The following ARFGAP3 variants were observed in gnomAD, a reference collection of about 807,000 sequenced individuals.
ARFGAP3 encodes the protein ADP-ribosylation factor GTPase-activating protein 3.
ARFGAP3 carries 72 observed loss-of-function variants against 75.0 expected under a neutral mutation model. The observed-to-expected ratio is 0.96, with a 90% CI of 0.79 to 1.17. ARFGAP3 has a LOEUF of 1.17. ARFGAP3 is among the 50% of genes most tolerant of loss of function. The pLI is 0.00. For missense variants in ARFGAP3, 620 were observed against 626.6 expected, an observed-to-expected ratio of 0.99 and a Z score of 0.11; for synonymous variants, 221 against 217.9, an observed-to-expected ratio of 1.01 and a Z score of -0.13.
At chr22:42,850,959 G>T (rs931272579) in intron 1 of ARFGAP3, among the ~76,000 whole-genome samples, 1 of 152,238 alleles carries the variant, frequency 6.6e-6, no homozygotes, top group South Asian at 2.1e-4. Context: ...GAAGACAGAC[G>T]CGCAAATTCA....
chr22:42,839,828 G>A (rs1221060418), intron 3 of ARFGAP3, among the ~76,000 whole-genome samples: 1 of 151,946 alleles, frequency 6.6e-6, no homozygotes, highest in Admixed American at 6.5e-5. Flanking sequence ...ATTACTCTCT[G>A]ACTGCCCCTG....
In ARFGAP3 at chr22:42,807,116, T is replaced by C. The variant is rs761274232; in HGVS notation, c.1368A>G (p.Ile456Met). Residue 456 changes from isoleucine to methionine, a missense_variant, in exon 14 of 16, where the codon ATA becomes ATG. Transcript: ENST00000263245. The stretch of plus-strand genomic sequence containing the variant: ...GCTCCTCGAACAGATCAGCCGAGCT[T>C]ATGGAGGAACTTGCCGACAGCCTCT... ...RLERLSASSS[I>M]SSADLFEEPR... 1 of 1,612,970 alleles carries C rather than the reference T, an allele frequency of 6.2e-7. No individual in the cohort carries two copies. The highest frequency in any genetic ancestry group is 2.2e-5 in the East Asian group (1 of 44,872).
chr22:42,807,585 G>A (rs145519701), intron 13 of ARFGAP3, among the ~76,000 whole-genome samples: 55 of 152,266 alleles, frequency 3.6e-4, no homozygotes, highest in African/African-American at 1.3e-3. Flanking sequence ...GAACAGCAAG[G>A]GGCAATTCTA....
chr22:42,851,306 C>G (rs1927267636), intron 1 of ARFGAP3, among the ~76,000 whole-genome samples: 1 of 152,144 alleles, frequency 6.6e-6, no homozygotes, highest in African/African-American at 2.4e-5. Context: ...GGTACACAGC[C>G]CAGAGCAGGC....
At chr22:42,845,271 T>TGTACTTTAA (rs1270959630) in intron 2 of ARFGAP3, among the ~76,000 whole-genome samples, 1,530 of 152,210 alleles carry the variant, frequency 0.01, 11 homozygotes, top group Admixed American at 0.018. Context: ...GCCGGGGTAA[T>TGTACTTTAA]CCCAGCACTT....
rs756249551 is a variant in ARFGAP3 at position 42,831,599 on chromosome 22, G to A, written c.515C>T (p.Pro172Leu). The change falls in exon 6 of 16, where the codon CCA becomes CTA. Residue 172 changes from proline to leucine, a missense_variant. Physicochemically the swap from Pro to Leu is moderately conservative, Grantham distance 98 (BLOSUM62 -3). Transcript: ENST00000263245. Reference protein sequence around the residue: ...DTAWASAIAEPSSLTSRPVET... With the variant: ...DTAWASAIAELSSLTSRPVET... Reference sequence around the variant, plus strand: ...CACAGGCCTTGATGTTAAAGAAGATGGTTCTGCTATTGCTGATGCCCACGC... The same window carrying A: ...CACAGGCCTTGATGTTAAAGAAGATAGTTCTGCTATTGCTGATGCCCACGC... 2 of 1,613,588 alleles carry A rather than the reference G, an allele frequency of 1.2e-6. No individual in the cohort carries two copies. Among genetic ancestry groups the A allele is most frequent in the Non-Finnish European group, 1.7e-6 (2 of 1,179,858 alleles).
At chr22:42,826,754 A>C (rs1926055872) in intron 7 of ARFGAP3, among the ~76,000 whole-genome samples, 186 bp downstream of exon 7, 1 of 152,170 alleles carries the variant, frequency 6.6e-6, no homozygotes, top group African/African-American at 2.4e-5. Context: ...CTTTGTTGGA[A>C]GCTTGAGAGA....
intron 8 of ARFGAP3, 77 bp from the exon 9 acceptor site, chr22:42,822,486 T>C (rs571647730): frequency 1.3e-6 from 2 of 1,545,558 alleles, no homozygotes; most frequent in African/African-American, 2.8e-5. Flanking sequence ...TTCCTAAGGG[T>C]TAGGACCTGC....
intron 3 of ARFGAP3, among the ~76,000 whole-genome samples, chr22:42,840,260 A>G (rs977244887): frequency 6.6e-6 from 1 of 151,862 alleles, no homozygotes; most frequent in Non-Finnish European, 1.5e-5. Context: ...GTCTGTCACT[A>G]TATCCCCAGC....
intron 2 of ARFGAP3, among the ~76,000 whole-genome samples, chr22:42,841,327 T>C (rs1926771236): frequency 6.6e-6 from 1 of 152,218 alleles, no homozygotes; most frequent in Admixed American, 6.5e-5. Context: ...TTTGGTAATG[T>C]GTCTCTACTT....
intron 11 of ARFGAP3, among the ~76,000 whole-genome samples, chr22:42,815,410 TAC>T (rs945880123): frequency 1.9e-3 from 279 of 149,584 alleles, no homozygotes; most frequent in African/African-American, 6.3e-3. Flanking sequence ...ACTAAACTAC[TAC>T]TTTTTTTTTT....
intron 7 of ARFGAP3, among the ~76,000 whole-genome samples, chr22:42,824,540 T>G (rs1734875867): frequency 6.6e-6 from 1 of 150,976 alleles, no homozygotes; most frequent in African/African-American, 2.4e-5. Flanking sequence ...TTTTTTTTTT[T>G]TTGTAGACAT....
chr22:42,811,773 C>T (rs543366635), intron 11 of ARFGAP3, among the ~76,000 whole-genome samples: 1 of 152,332 alleles, frequency 6.6e-6, no homozygotes, highest in South Asian at 2.1e-4. Context: ...TCAGTGTTGG[C>T]TTTTGGTCCT....
intron 1 of ARFGAP3, among the ~76,000 whole-genome samples, chr22:42,848,766 CT>C (rs1321629469): frequency 5.3e-5 from 8 of 152,204 alleles, no homozygotes; most frequent in African/African-American, 1.7e-4. Context: ...GGCAGCCAGA[CT>C]CCAAGATGGC....
At chr22:42,851,762 T>C (rs1927285943) in intron 1 of ARFGAP3, among the ~76,000 whole-genome samples, 1 of 152,258 alleles carries the variant, frequency 6.6e-6, no homozygotes, top group Non-Finnish European at 1.5e-5. Flanking sequence ...TCAGTTCTTA[T>C]GGTGATGAGC....
rs1312387774 is a variant in ARFGAP3 at position 42,817,218 on chromosome 22, C to A, written c.988G>T (p.Glu330Ter). Reference sequence around the variant, plus strand: ...CTTGGTTTTGCCATAATGGGTGATTCCTGCTCTATGGTCTGCATATCTGAA... The same window carrying A: ...CTTGGTTTTGCCATAATGGGTGATTACTGCTCTATGGTCTGCATATCTGAA... Reference protein sequence around the residue: ...VTSDMQTIEQESPIMAKPRKK... With the variant: ...VTSDMQTIEQ Residue 330 changes from glutamate to a stop codon, truncating the protein, a stop_gained, in exon 11 of 16, where the codon GAA becomes TAA. Coordinates refer to ENST00000263245, the MANE Select transcript of ARFGAP3 (RefSeq NM_014570.5). LOFTEE classifies it high-confidence loss of function. The A allele has an allele frequency of 6.2e-7, 1 of 1,613,452 alleles. No homozygotes were observed. The highest frequency in any genetic ancestry group is 1.7e-5 in the Admixed American group (1 of 59,962).
chr22:42,845,590 A>G (rs976904455), intron 2 of ARFGAP3, among the ~76,000 whole-genome samples: 2 of 152,088 alleles, frequency 1.3e-5, no homozygotes, highest in African/African-American at 4.8e-5. Context: ...TCAATGGGGA[A>G]AAGACAGTCT....
chr22:42,842,427 T>A (rs890812972), intron 2 of ARFGAP3, among the ~76,000 whole-genome samples: 1 of 150,176 alleles, frequency 6.7e-6, no homozygotes, highest in Non-Finnish European at 1.5e-5. Context: ...ATTACAGGTG[T>A]GAGCCACCAT....
intron 12 of ARFGAP3, 156 bp from the exon 13 acceptor site, chr22:42,809,046 AG>A (rs1925250971): frequency 5.0e-6 from 3 of 605,826 alleles, no homozygotes; most frequent in Non-Finnish European, 6.2e-6. Context: ...TAAAAAAAAA[AG>A]AATAAATACC....
Sources: gnomAD v4.1 joint callset for allele counts (sites outside exome capture counted in the v4.1 genomes callset) on GRCh38, gnomAD v4.1.1 for gene constraint, MANE v1.5 for transcripts, NCBI Gene and HGNC (gene_info 2026-07-23, HGNC 2026-07-21) for gene names.